The following C2CD5 variants were observed in gnomAD, a reference collection of about 807,000 sequenced individuals.
C2CD5 encodes the protein C2 domain-containing protein 5.
A neutral mutation model predicts 130.3 loss-of-function variants in C2CD5; 109 were observed. The observed-to-expected ratio is 0.84, with a 90% CI of 0.72 to 0.98. The LOEUF (loss-of-function observed/expected upper bound fraction) is 0.98. Ranked by LOEUF, C2CD5 falls within the 50% of genes least tolerant of loss-of-function variation. The pLI is 0.00. For synonymous variants in C2CD5, 454 were observed against 429.2 expected, an observed-to-expected ratio of 1.06 and a Z score of -0.71; for missense variants, 996 against 1,261.8, an observed-to-expected ratio of 0.79 and a Z score of 3.19.
In C2CD5 at chr12:22,490,179, A is replaced by G. The variant is rs1005147989; in HGVS notation, c.1302T>C (p.Ala434=). 6.2e-7 allele frequency: 1 copy of G among 1,613,640 alleles called. No individual in the cohort carries two copies. Among genetic ancestry groups the G allele is most frequent in the Non-Finnish European group, 8.5e-7 (1 of 1,179,716 alleles). The change falls in exon 12 of 27, where the codon GCT becomes GCC. Residue 434 remains alanine (A), a synonymous_variant. Coordinates refer to ENST00000446597, the MANE Select transcript of C2CD5 (RefSeq NM_001286176.2). ...CCTGCAGAAATCTAGGATTCAGTAC[A>G]GCCGCTGTGCCAGATGCAGATAAAA... ...VCILSASGTA[A]VLNPRFLQDG... is the part of the protein sequence containing the mutation.
At chr12:22,527,332 T>TA (rs199674957) in intron 4 of C2CD5, among the ~76,000 whole-genome samples, 2,122 of 107,422 alleles carry the variant, frequency 0.02, 8 homozygotes, top group Middle Eastern at 0.032. Flanking sequence ...ATATATATAT[T>TA]TTTTTTTTTT....
At position 22,513,381 on chromosome 12, in the gene C2CD5, T is replaced by G; in HGVS notation, c.953-2A>C. 6.3e-7 allele frequency: 1 copy of G among 1,599,418 alleles called. No individual in the cohort carries two copies. Among genetic ancestry groups the G allele is most frequent in the Non-Finnish European group, 8.6e-7 (1 of 1,166,836 alleles). On this transcript the variant is annotated splice_acceptor_variant, in intron 8 of 26. Transcript: ENST00000446597. LOFTEE classifies it high-confidence loss of function. ...TTCCAGCACTACCACTTCCCATTCCTACAGAACATCAGTACATAAATAACA... is the reference window on the plus strand; with the variant it reads ...TTCCAGCACTACCACTTCCCATTCCGACAGAACATCAGTACATAAATAACA...
chr12:22,474,861 T>C lies in C2CD5; in HGVS notation c.1933A>G (p.Ile645Val). The change falls in exon 16 of 27, where the codon ATC becomes GTC. Residue 645 changes from isoleucine (I) to valine (V), a missense_variant. Transcript: ENST00000446597. ...EISEEIIGSP[I>V]PEPRQRSRLL... ...CTTGAGCGTTGCCTAGGTTCTGGGA[T>C]GGGTGATCCTATAATCTCTTCAGAT... 1 of 1,603,098 alleles carries C rather than the reference T, an allele frequency of 6.2e-7. No individual in the cohort carries two copies. The highest frequency in any genetic ancestry group is 8.5e-7 in the Non-Finnish European group (1 of 1,172,784).
rs917259740 is a variant in C2CD5 at position 22,484,801 on chromosome 12, A to G, written c.1446T>C (p.Tyr482=). ...LNMPFPAHLT[Y]CYNCRKQKVP... is the part of the protein sequence containing the mutation. Reference sequence around the variant, plus strand: ...CTTTTTGTTTCCTGCAGTTATAGCAATATGTGAGATGAGCTGGAAATGGCA... The same window carrying G: ...CTTTTTGTTTCCTGCAGTTATAGCAGTATGTGAGATGAGCTGGAAATGGCA... Residue 482 remains tyrosine, a synonymous_variant, in exon 13 of 27, where the codon TAT becomes TAC. Transcript: ENST00000446597. 14 of 1,609,256 alleles carry G rather than the reference A, an allele frequency of 8.7e-6. No homozygotes were observed. Among genetic ancestry groups the G allele is most frequent in the South Asian group, 3.3e-5 (3 of 90,676 alleles).
chr12:22,449,846 G>C lies in C2CD5; in HGVS notation c.3070C>G (p.Arg1024Gly). 6.2e-7 allele frequency: 1 copy of C among 1,610,320 alleles called. No homozygotes were observed. Among genetic ancestry groups the C allele is most frequent in the South Asian group, 1.1e-5 (1 of 90,796 alleles). Residue 1024 changes from arginine (R) to glycine (G), a missense_variant, in exon 27 of 27, where the codon CGT (arginine) becomes GGT (glycine). This residue lies in a region of C2CD5 where 48 missense variants were observed against 46.4 expected (regional missense o/e 1.03). Coordinates refer to ENST00000446597, the MANE Select transcript of C2CD5 (RefSeq NM_001286176.2). ...GACACCACTTCTAAGTCAGATTCAC[G>C]AACAAAAACCACTGCATCACCACTT... ...NVSGDAVVFVRESDLEVVSSQ... is the reference protein window; with the variant it reads ...NVSGDAVVFVGESDLEVVSSQ...
At chr12:22,482,929 A>T (rs571694871) in intron 13 of C2CD5, among the ~76,000 whole-genome samples, 186 bp from the exon 14 acceptor site, 1 of 152,206 alleles carries the variant, frequency 6.6e-6, no homozygotes, top group Non-Finnish European at 1.5e-5. Context: ...ATCCTATTTC[A>T]TAACAGGTAC....
chr12:22,477,009 A>C (rs1220018448), intron 15 of C2CD5, among the ~76,000 whole-genome samples: 1 of 152,160 alleles, frequency 6.6e-6, no homozygotes, highest in African/African-American at 2.4e-5. Flanking sequence ...AAATATGAAT[A>C]TGTTAACACA....
At chr12:22,507,432 AT>A (rs1425386223) in intron 9 of C2CD5, among the ~76,000 whole-genome samples, 1 of 152,262 alleles carries the variant, frequency 6.6e-6, no homozygotes, top group African/African-American at 2.4e-5. Flanking sequence ...ATAAAGGTAC[AT>A]TAAGGAAAGT....
At chr12:22,455,589 T>A (rs999845884) in intron 25 of C2CD5, among the ~76,000 whole-genome samples, 1 of 152,192 alleles carries the variant, frequency 6.6e-6, no homozygotes, top group Non-Finnish European at 1.5e-5. Context: ...GATGTAGAAG[T>A]ATCATCTATT....
chr12:22,461,667 C>A (rs1403239765), intron 22 of C2CD5, among the ~76,000 whole-genome samples: 1 of 151,986 alleles, frequency 6.6e-6, no homozygotes, highest in Non-Finnish European at 1.5e-5. Context: ...TTCTGGACTA[C>A]ATGATTTTTG....
At chr12:22,527,971 A>G (rs1403132870) in intron 3 of C2CD5, 79 bp from the exon 4 acceptor site, 20 of 719,598 alleles carry the variant, frequency 2.8e-5, no homozygotes, top group Non-Finnish European at 4.2e-5. Context: ...TATCAAATGA[A>G]AAGGATGACA....
chr12:22,483,671 AAAT>A (rs1945051985), intron 13 of C2CD5, among the ~76,000 whole-genome samples: 1 of 152,214 alleles, frequency 6.6e-6, no homozygotes, highest in Non-Finnish European at 1.5e-5. Context: ...AGAGGGAAAA[AAAT>A]AAATGGATTA....
In C2CD5 at chr12:22,484,831, C is replaced by T. The variant is rs1945255287; in HGVS notation, c.1416G>A (p.Leu472=). The change falls in exon 13 of 27, where the codon CTG becomes CTA. Residue 472 remains leucine, a synonymous_variant. Transcript: ENST00000446597. ...CGFCHIPYDE[L]NMPFPAHLTY... ...TGAGATGAGCTGGAAATGGCATATT[C>T]AGTTCATCATATGGTATATGACAAA... 1 of 1,608,022 alleles carries T rather than the reference C, an allele frequency of 6.2e-7. No homozygotes were observed. The highest frequency in any genetic ancestry group is 8.5e-7 in the Non-Finnish European group (1 of 1,176,760).
At chr12:22,541,374 A>AATCCATTCTCCATATAACAGTGCTC (rs1952362370) in intron 2 of C2CD5, among the ~76,000 whole-genome samples, 1 of 152,130 alleles carries the variant, frequency 6.6e-6, no homozygotes. Flanking sequence ...TTTCCCCTTC[A>AATCCATTCTCCATATAACAGTGCTC]ATCCATTCTC....
chr12:22,504,304 C>CTT (rs10707954), intron 10 of C2CD5, among the ~76,000 whole-genome samples: 8 of 135,612 alleles, frequency 5.9e-5, no homozygotes, highest in Non-Finnish European at 6.4e-5. Flanking sequence ...GTTTTTTTTT[C>CTT]TTTTTTTTTT....
intron 4 of C2CD5, among the ~76,000 whole-genome samples, chr12:22,526,982 G>A (rs1387952312): frequency 6.6e-6 from 1 of 152,152 alleles, no homozygotes; most frequent in African/African-American, 2.4e-5. Context: ...GCAAAACCGT[G>A]TCTCTACAAA....
intron 22 of C2CD5, among the ~76,000 whole-genome samples, chr12:22,462,998 C>T (rs1480856036): frequency 6.6e-6 from 1 of 151,862 alleles, no homozygotes; most frequent in Admixed American, 6.6e-5. Flanking sequence ...GCGGGAGGAT[C>T]GCTTGAACCC....
rs1478055166 is a variant in C2CD5, at chr12:22,461,558, T to C, written c.2534-2016A>G. Reference sequence around the variant, plus strand: ...TACACAATGATATGTAAAATACTTGTGTTTTTTAAAAAGGATGAATAGAGT... The same window carrying C: ...TACACAATGATATGTAAAATACTTGCGTTTTTTAAAAAGGATGAATAGAGT... On this transcript the variant is annotated intron_variant, in intron 22 of 26. Coordinates refer to ENST00000446597, the MANE Select transcript of C2CD5 (RefSeq NM_001286176.2). Among the ~76,000 whole-genome samples, 4 of 152,310 alleles carry C rather than the reference T, an allele frequency of 2.6e-5. No individual in the cohort carries two copies. In the East Asian group the frequency reaches 7.7e-4, roughly 29 times the overall value.
At position 22,502,854 on chromosome 12, in the gene C2CD5, A is replaced by G. The variant is rs1467292804; in HGVS notation, c.1147+3857T>C. ...AGATCAGTTTTAGGTGCAGAATAGTAGGAATAAAACAAAAAACACTACAAA... is the reference window on the plus strand; with the variant it reads ...AGATCAGTTTTAGGTGCAGAATAGTGGGAATAAAACAAAAAACACTACAAA... On this transcript the variant is annotated intron_variant, in intron 10 of 26. Coordinates refer to ENST00000446597, the MANE Select transcript of C2CD5 (RefSeq NM_001286176.2). 2.8e-6 allele frequency: 3 copies of G among 1,067,590 alleles called. No individual in the cohort carries two copies. The East Asian group carries it at 7.8e-5, about 28-fold the overall frequency. The allele number at this position is 1,067,590 out of a possible 1,614,324, so 66.1% of individuals were successfully genotyped here. A position where few individuals can be genotyped will look rare whatever the true frequency, so the allele number is the denominator to read the frequency against.
Sources: allele counts gnomAD v4.1 joint callset (sites outside exome capture counted in the v4.1 genomes callset), GRCh38; gene constraint gnomAD v4.1.1; regional missense constraint gnomAD v4.1.1; transcripts MANE v1.5; gene names NCBI Gene and HGNC (gene_info 2026-07-23, HGNC 2026-07-21).